STXBP4: variants seen among roughly 807,000 people sequenced by gnomAD.
STXBP4 encodes syntaxin-binding protein 4.
A neutral mutation model predicts 76.1 loss-of-function variants in STXBP4; 55 were observed. The ratio of observed to expected loss-of-function variants is 0.72; its 90% CI spans 0.58 to 0.91. The LOEUF (loss-of-function observed/expected upper bound fraction) is 0.91. STXBP4 is among the 40% of genes least tolerant of loss of function. The probability of loss-of-function intolerance (pLI) is 0.00; values close to 1 mark genes in which losing one functional copy is unlikely to be tolerated. For synonymous variants in STXBP4, 201 were observed against 220.2 expected (o/e 0.91, Z 0.77); for missense variants, 618 against 636.9 (o/e 0.97, Z 0.32).
intron 4 of STXBP4, 143 bp downstream of exon 4, chr17:54,991,100 C>A: frequency 1.1e-6 from 1 of 871,918 alleles, no homozygotes; most frequent in Non-Finnish European, 1.6e-6. Context: ...GAAGATAAGA[C>A]TATTGCCCTC....
intron 8 of STXBP4, among the ~76,000 whole-genome samples, chr17:55,020,106 C>T (rs2078281406): frequency 6.6e-6 from 1 of 152,114 alleles, no homozygotes; most frequent in Non-Finnish European, 1.5e-5. Context: ...TATTGCCTCT[C>T]TTTAATTCTC....
intron 4 of STXBP4, among the ~76,000 whole-genome samples, chr17:54,995,191 G>A (rs563959363): frequency 6.6e-6 from 1 of 152,150 alleles, no homozygotes; most frequent in East Asian, 1.9e-4. Context: ...GAACGGTCCC[G>A]TAGTCATTTT....
intron 8 of STXBP4, among the ~76,000 whole-genome samples, chr17:55,013,524 T>G (rs569251423): frequency 8.3e-4 from 127 of 152,374 alleles, no homozygotes; most frequent in Admixed American, 1.9e-3. Flanking sequence ...CAGTATAGGC[T>G]GGATACATTC....
intron 17 of STXBP4, among the ~76,000 whole-genome samples, chr17:55,153,927 T>TAGA (rs1435809297): frequency 6.6e-6 from 1 of 152,222 alleles, no homozygotes; most frequent in Non-Finnish European, 1.5e-5. Flanking sequence ...TTTTAGTTTA[T>TAGA]AGAAGTTGTT....
chr17:55,082,681 T>A (rs1166454364), intron 16 of STXBP4, among the ~76,000 whole-genome samples: 2 of 152,066 alleles, frequency 1.3e-5, no homozygotes, highest in Admixed American at 6.6e-5. Context: ...TTTCCAAAAA[T>A]GCCCCCTAGG....
At chr17:55,130,041 C>T (rs1334954367) in intron 16 of STXBP4, among the ~76,000 whole-genome samples, 3 of 152,154 alleles carry the variant, frequency 2.0e-5, no homozygotes, top group African/African-American at 7.2e-5. Context: ...GGAGGGGTCA[C>T]ATGGCAAGGA....
At chr17:55,043,708 G>A in intron 11 of STXBP4, 1 of 1,477,038 alleles carries the variant, frequency 6.8e-7, no homozygotes, top group Non-Finnish European at 9.2e-7. Flanking sequence ...TTCATGTGCA[G>A]GGCTATTCTT....
chr17:55,193,834 A>AC, the STXBP4 span, among the ~76,000 whole-genome samples: 1 of 150,414 alleles, frequency 6.6e-6, no homozygotes, highest in African/African-American at 2.5e-5. Flanking sequence ...AAAAAAAAAA[A>AC]CGTAATTAAT....
intron 16 of STXBP4, among the ~76,000 whole-genome samples, chr17:55,101,882 G>C (rs917295086): frequency 6.6e-6 from 1 of 152,272 alleles, no homozygotes; most frequent in Middle Eastern, 3.4e-3. Flanking sequence ...CCAAAAGCTT[G>C]TCTGATTCCA....
chr17:55,109,938 T>G (rs958887251), intron 16 of STXBP4, among the ~76,000 whole-genome samples: 3 of 152,114 alleles, frequency 2.0e-5, no homozygotes, highest in Admixed American at 6.5e-5. Context: ...TGCACCCAGC[T>G]GTCAATGTCT....
At chr17:55,051,436 CT>C (rs2078857205) in intron 12 of STXBP4, among the ~76,000 whole-genome samples, 1 of 151,922 alleles carries the variant, frequency 6.6e-6, no homozygotes. Flanking sequence ...AGTCCTAAAC[CT>C]TTTTTTGTTT....
intron 17 of STXBP4, among the ~76,000 whole-genome samples, chr17:55,158,298 A>G (rs916582837): frequency 2.6e-5 from 4 of 152,236 alleles, no homozygotes; most frequent in Non-Finnish European, 5.9e-5. Context: ...TTTATAATGT[A>G]GGAGGCACTT....
At chr17:55,193,318 CAAATT>C in the STXBP4 span, among the ~76,000 whole-genome samples, 1 of 152,074 alleles carries the variant, frequency 6.6e-6, no homozygotes, top group South Asian at 2.1e-4. Context: ...GCAAGGGAAT[CAAATT>C]AAAGGTGAAT....
intron 15 of STXBP4, 41 bp downstream of exon 15, chr17:55,078,776 A>T: frequency 9.1e-7 from 1 of 1,099,072 alleles, no homozygotes; most frequent in Middle Eastern, 2.0e-4. Flanking sequence ...ATGGGTAGTG[A>T]TTAAATTCTT....
rs75688117 is a variant in STXBP4, at chr17:55,036,031, G to A, written c.855+1772G>A. Among the ~76,000 whole-genome samples the A allele has an allele frequency of 3.4e-3, 524 of 151,906 alleles. 13 individuals are homozygous for A. Among genetic ancestry groups the A allele is most frequent in the Middle Eastern group, 0.027 (8 of 294 alleles). Reference sequence around the variant, plus strand: ...TTTATAGTGAGAACACTTAAAATCTGCTCTCTTAGCAATTTTCAAAATGCA... The same window carrying A: ...TTTATAGTGAGAACACTTAAAATCTACTCTCTTAGCAATTTTCAAAATGCA... On this transcript the variant is annotated intron_variant, in intron 10 of 17. Transcript: ENST00000376352.
intron 16 of STXBP4, among the ~76,000 whole-genome samples, chr17:55,109,003 C>G (rs566030134): frequency 3.3e-5 from 5 of 152,228 alleles, no homozygotes; most frequent in Admixed American, 3.3e-4. Context: ...AAATACATCC[C>G]CCATTGCTTT....
chr17:55,159,084 A>T (rs1023845965), intron 17 of STXBP4, among the ~76,000 whole-genome samples: 2 of 152,078 alleles, frequency 1.3e-5, no homozygotes, highest in South Asian at 4.1e-4. Flanking sequence ...ATCTCTACTA[A>T]TAATACAAAA....
the STXBP4 span, among the ~76,000 whole-genome samples, chr17:55,207,859 T>C: frequency 6.6e-6 from 1 of 152,196 alleles, no homozygotes; most frequent in Non-Finnish European, 1.5e-5. Context: ...CCACAAAGTG[T>C]TAACGCCGGT....
chr17:55,116,097 T>C (rs1400048933), intron 16 of STXBP4, among the ~76,000 whole-genome samples: 1 of 151,858 alleles, frequency 6.6e-6, no homozygotes, highest in Admixed American at 6.6e-5. Context: ...GAGCTACTTA[T>C]GTCTCAAGAA....
Sources: gnomAD v4.1 joint callset for allele counts (sites outside exome capture counted in the v4.1 genomes callset) on GRCh38, gnomAD v4.1.1 for gene constraint, MANE v1.5 for transcripts, NCBI Gene and HGNC (gene_info 2026-07-23, HGNC 2026-07-21) for gene names.